The following MDN1 variants were observed in gnomAD, a reference collection of about 807,000 sequenced individuals.
The protein encoded by MDN1 is midasin.
MDN1 carries 266 observed loss-of-function variants against 669.2 expected under a neutral mutation model. That is an observed-to-expected ratio of 0.40 (90% CI 0.36 to 0.44). The LOEUF is 0.44. Ranked by LOEUF, MDN1 falls within the 20% of genes least tolerant of loss-of-function variation. The pLI, the probability that MDN1 is intolerant of heterozygous loss-of-function variation, is 1.00. For missense variants in MDN1, 5,940 were observed against 6,754.0 expected (o/e 0.88, Z 4.22); for synonymous variants, 2,385 against 2,457.1 (o/e 0.97, Z 0.87).
At chr6:89,812,219 C>T (rs550747532) in intron 1 of MDN1, among the ~76,000 whole-genome samples, 73 of 151,954 alleles carry the variant, frequency 4.8e-4, no homozygotes, top group African/African-American at 1.6e-3. Context: ...CTCCTGACCT[C>T]GTGATTCGCC....
chr6:89,810,984 T>C (rs938961897), intron 1 of MDN1, among the ~76,000 whole-genome samples: 3 of 152,152 alleles, frequency 2.0e-5, no homozygotes, highest in African/African-American at 7.2e-5. Flanking sequence ...GAAACAGTCA[T>C]ATTGATTAAG....
intron 80 of MDN1, among the ~76,000 whole-genome samples, chr6:89,673,026 A>G (rs1562066820): frequency 6.6e-6 from 1 of 152,226 alleles, no homozygotes; most frequent in Non-Finnish European, 1.5e-5. Flanking sequence ...CTGCCTTCCT[A>G]TGTGTGTTAC....
In MDN1 at chr6:89,781,705, G is replaced by C. The variant is rs151273747; in HGVS notation, c.1450-113C>G. The C allele has an allele frequency of 6.8e-4, 593 of 865,810 alleles. 1 individual carries two copies. The African/African-American group carries it at 9.1e-3, about 13-fold the overall frequency. The allele number at this position is 865,810 out of a possible 1,614,324, so 53.6% of individuals were successfully genotyped here. A position where few individuals can be genotyped will look rare whatever the true frequency, so the allele number is the denominator to read the frequency against. On this transcript the variant is annotated intron_variant, in intron 9 of 101. Coordinates refer to ENST00000369393, the MANE Select transcript of MDN1 (RefSeq NM_014611.3). ...AAAATTGTATTTCTCTATGAAATTT[G>C]TTCACTGGGGGACGGTAGCTCACAC...
At chr6:89,720,335 G>C (rs966150254) in intron 40 of MDN1, among the ~76,000 whole-genome samples, 3 of 151,512 alleles carry the variant, frequency 2.0e-5, no homozygotes, top group South Asian at 2.1e-4. Flanking sequence ...CTTGAACCCA[G>C]GTTGCAGTGA....
chr6:89,784,460 T>G (rs1818850352), intron 9 of MDN1, among the ~76,000 whole-genome samples: 1 of 152,162 alleles, frequency 6.6e-6, no homozygotes, highest in African/African-American at 2.4e-5. Flanking sequence ...CTCTCCTAGA[T>G]AAAGCACTGG....
chr6:89,665,298 A>G (rs1013008624), intron 84 of MDN1, among the ~76,000 whole-genome samples: 1 of 151,976 alleles, frequency 6.6e-6, no homozygotes, highest in African/African-American at 2.4e-5. Context: ...AAGTGGCGGG[A>G]TTACAGGTGT....
chr6:89,701,553 T>C lies in MDN1; in HGVS notation c.8427+5A>G. On this transcript the variant is annotated splice_donor_5th_base_variant and intron_variant, in intron 55 of 101. Transcript: ENST00000369393. ...CTTTTATTTACTAAATGCTTCCAGG[T>C]GTACCTTAAAAGGAAACGGTCGTCC... 6.2e-7 allele frequency: 1 copy of C among 1,613,710 alleles called. No homozygotes were observed. The highest frequency in any genetic ancestry group is 8.5e-7 in the Non-Finnish European group (1 of 1,179,910).
At chr6:89,793,992 T>A in intron 4 of MDN1, 38 bp from the exon 5 acceptor site, 1 of 1,536,222 alleles carries the variant, frequency 6.5e-7, no homozygotes, top group Non-Finnish European at 8.9e-7. Flanking sequence ...ACCTTACCAC[T>A]CAGAAATGCT....
intron 26 of MDN1, 109 bp downstream of exon 26, chr6:89,749,113 AT>A: frequency 1.9e-6 from 2 of 1,041,438 alleles, no homozygotes; most frequent in Non-Finnish European, 2.7e-6. Flanking sequence ...ATAAAAAAAA[AT>A]CTCTACTTGG....
intron 29 of MDN1, among the ~76,000 whole-genome samples, chr6:89,744,741 A>T (rs985632901): frequency 1.3e-5 from 2 of 151,776 alleles, no homozygotes; most frequent in Non-Finnish European, 2.9e-5. Context: ...AAATTAGCCA[A>T]GTGTGGTGGT....
chr6:89,758,192 A>C (rs938899631), intron 19 of MDN1, 63 bp downstream of exon 19: 42 of 1,367,520 alleles, frequency 3.1e-5, no homozygotes, highest in Admixed American at 7.8e-5. Flanking sequence ...CTGCACTCCA[A>C]CCTGGGCAAC....
At position 89,761,685 on chromosome 6, in the gene MDN1, A is replaced by T. The variant is rs559815687; in HGVS notation, c.2420T>A (p.Met807Lys). The change falls in exon 17 of 102, where the codon ATG becomes AAG. Residue 807 changes from methionine (M) to lysine (K), a missense_variant. Physicochemically the swap from Met to Lys is moderately conservative, Grantham distance 95. Coordinates refer to ENST00000369393, the MANE Select transcript of MDN1 (RefSeq NM_014611.3). ...GLRLNHAQQQ[M>K]KMTENTLLFA... is the part of the protein sequence containing the mutation. ...CAATAAGGTATTTTCAGTCATTTTCATCTGTTGTTGGGCATGGTTGAGTCT... is the reference window on the plus strand; with the variant it reads ...CAATAAGGTATTTTCAGTCATTTTCTTCTGTTGTTGGGCATGGTTGAGTCT... 3.1e-6 allele frequency: 5 copies of T among 1,612,784 alleles called. No homozygotes were observed. In the Admixed American group the frequency reaches 6.7e-5, roughly 22 times the overall value.
intron 37 of MDN1, among the ~76,000 whole-genome samples, chr6:89,726,133 T>C (rs1005424653): frequency 3.3e-5 from 5 of 152,136 alleles, no homozygotes; most frequent in Non-Finnish European, 7.4e-5. Context: ...AATACACAGA[T>C]ATTTCATTTT....
In MDN1 at chr6:89,774,706, G is replaced by A. The variant is rs781657637; in HGVS notation, c.1849C>T (p.Pro617Ser). The A allele has an allele frequency of 4.3e-6, 7 of 1,613,286 alleles. No homozygotes were observed. The highest frequency in any genetic ancestry group is 2.2e-5 in the South Asian group (2 of 91,066). Residue 617 changes from proline to serine, a missense_variant, in exon 13 of 102, where the codon CCA becomes TCA. By Grantham distance (74) the Pro-to-Ser change is moderately conservative. Transcript: ENST00000369393. ...KAEFFCQLYK[P>S]EIVINELDLQ... ...TCTAGCTCATTGATCACAATTTCTG[G>A]TTTATAAAGTTGACAAAAGAATTCA...
In MDN1 at chr6:89,692,547, G is replaced by A. The variant is rs1344648915; in HGVS notation, c.10483C>T (p.Arg3495Trp). ...AGAGCATTCATCAGCAGCTGCTCCCGAGTGGGACAGGCTTTCTGGCCCTTG... is the reference window on the plus strand; with the variant it reads ...AGAGCATTCATCAGCAGCTGCTCCCAAGTGGGACAGGCTTTCTGGCCCTTG... ...EGKGQKACPT[R>W]EQLLMNALLY... The change falls in exon 63 of 102, where the codon CGG becomes TGG. Residue 3495 changes from arginine to tryptophan, a missense_variant. Arg to Trp is a moderately radical substitution (Grantham distance 101). Coordinates refer to ENST00000369393, the MANE Select transcript of MDN1 (RefSeq NM_014611.3). The A allele has an allele frequency of 6.2e-6, 10 of 1,614,118 alleles. No individual in the cohort carries two copies. The highest frequency in any genetic ancestry group is 2.7e-5 in the African/African-American group (2 of 74,946).
rs201315833 is a variant in MDN1, at chr6:89,701,608, C to T, written c.8377G>A (p.Ala2793Thr). 248 of 1,614,012 alleles carry T rather than the reference C, an allele frequency of 1.5e-4. No homozygotes were observed. The highest frequency in any genetic ancestry group is 1.9e-4 in the Non-Finnish European group (223 of 1,180,008). ...NCLGSQTGGF[A>T]GIKKLQKFLG... is the part of the protein sequence containing the mutation. ...AACTTCTGCAACTTCTTTATACCAGCGAAGCCACCAGTCTGGCTCCCCAGA... is the reference window on the plus strand; with the variant it reads ...AACTTCTGCAACTTCTTTATACCAGTGAAGCCACCAGTCTGGCTCCCCAGA... Residue 2793 changes from alanine (A) to threonine (T), a missense_variant, in exon 55 of 102, where the codon GCT becomes ACT. Physicochemically the swap from Ala to Thr is moderately conservative, Grantham distance 58 (BLOSUM62 0). Around this residue, in one of 5 missense-constraint regions of MDN1, gnomAD observed 2,292 missense variants for 2,638.3 expected, o/e 0.87. Coordinates refer to ENST00000369393, the MANE Select transcript of MDN1 (RefSeq NM_014611.3).
At chr6:89,753,791 G>A (rs1817087058) in intron 21 of MDN1, among the ~76,000 whole-genome samples, 169 bp from the exon 22 acceptor site, 1 of 152,188 alleles carries the variant, frequency 6.6e-6, no homozygotes, top group South Asian at 2.1e-4. Context: ...GTTCATGCCT[G>A]TAATCTCAGC....
intron 73 of MDN1, among the ~76,000 whole-genome samples, chr6:89,681,533 A>ATT (rs372488623): frequency 6.6e-6 from 1 of 150,380 alleles, no homozygotes; most frequent in Non-Finnish European, 1.5e-5. Context: ...GCATATTTTC[A>ATT]TTTTTTTTTC....
chr6:89,804,204 C>G (rs1209751150), intron 1 of MDN1, among the ~76,000 whole-genome samples: 1 of 152,154 alleles, frequency 6.6e-6, no homozygotes, highest in Admixed American at 6.6e-5. Flanking sequence ...GCCACCATGC[C>G]TGGCCCAAAA....
Sources: gnomAD v4.1 joint callset for allele counts (sites outside exome capture counted in the v4.1 genomes callset) on GRCh38, gnomAD v4.1.1 for gene constraint, gnomAD v4.1.1 regional missense constraint, MANE v1.5 for transcripts, NCBI Gene and HGNC (gene_info 2026-07-23, HGNC 2026-07-21) for gene names.